DACH2: variants seen among roughly 807,000 people sequenced by gnomAD.
DACH2 encodes dachshund family transcription factor 2, also known as dachshund homolog 2.
DACH2 carries 17 observed loss-of-function variants against 35.8 expected under a neutral mutation model. The observed-to-expected ratio is 0.48, with a 90% CI of 0.33 to 0.71. DACH2 has a LOEUF of 0.71. DACH2 is among the 30% of genes least tolerant of loss of function. The probability of loss-of-function intolerance (pLI) is 0.02; values close to 1 mark genes in which losing one functional copy is unlikely to be tolerated. For synonymous variants in DACH2, 195 were observed against 177.3 expected, an observed-to-expected ratio of 1.10 and a Z score of -0.79; for missense variants, 469 against 472.7, an observed-to-expected ratio of 0.99 and a Z score of 0.07.
intron 3 of DACH2, among the ~76,000 whole-genome samples, chrX:86,640,404 C>T (rs1474358870): frequency 8.9e-6 from 1 of 111,742 alleles, no homozygotes; most frequent in Non-Finnish European, 1.9e-5. Context: ...ATGCCCCACA[C>T]AACTCTCACG....
chrX:86,699,958 A>G (rs191631351), intron 5 of DACH2, among the ~76,000 whole-genome samples: 1 of 111,836 alleles, frequency 8.9e-6, no homozygotes, highest in East Asian at 2.8e-4. Context: ...TTTATTATTT[A>G]CCCAAAAGTC....
intron 7 of DACH2, among the ~76,000 whole-genome samples, chrX:86,750,582 G>A (rs1403200684): frequency 9.0e-6 from 1 of 111,249 alleles, no homozygotes; most frequent in African/African-American, 3.3e-5. Flanking sequence ...CAGTTGAACA[G>A]CAACTCTCCA....
At chrX:86,477,339 C>CAT (rs56255658) in intron 2 of DACH2, among the ~76,000 whole-genome samples, 4,562 of 75,657 alleles carry the variant, frequency 0.06, 148 homozygotes, top group Middle Eastern at 0.083. Flanking sequence ...GTGTTGAGTG[C>CAT]ATATATATAT....
intron 2 of DACH2, among the ~76,000 whole-genome samples, chrX:86,478,822 A>G (rs1337553596): frequency 1.8e-5 from 2 of 110,469 alleles, no homozygotes; most frequent in Admixed American, 1.9e-4. Context: ...CCCAGTGGCC[A>G]TGTGTTACAG....
chrX:86,483,275 C>G (rs1393177699), intron 2 of DACH2, among the ~76,000 whole-genome samples: 1 of 110,504 alleles, frequency 9.0e-6, no homozygotes, highest in Non-Finnish European at 1.9e-5. Context: ...AAATATATAC[C>G]TGATGTTAAT....
intron 1 of DACH2, among the ~76,000 whole-genome samples, chrX:86,299,674 A>G (rs983793134): frequency 3.6e-5 from 4 of 111,644 alleles, no homozygotes; most frequent in Non-Finnish European, 5.6e-5. Context: ...GGTTTATTTC[A>G]TAACTTGAAA....
At chrX:86,785,368 TA>T (rs1467253820) in intron 7 of DACH2, among the ~76,000 whole-genome samples, 1 of 111,226 alleles carries the variant, frequency 9.0e-6, no homozygotes, top group Non-Finnish European at 1.9e-5. Flanking sequence ...AAGCAGTGAT[TA>T]AAAAAGAAAA....
chrX:86,393,171 A>C (rs759446383), intron 2 of DACH2, among the ~76,000 whole-genome samples: 1 of 111,246 alleles, frequency 9.0e-6, no homozygotes, highest in East Asian at 2.9e-4. Context: ...ACTCATTATC[A>C]ATTCAATTAC....
intron 1 of DACH2, among the ~76,000 whole-genome samples, chrX:86,226,000 A>G (rs1351470959): frequency 9.0e-6 from 1 of 111,383 alleles, no homozygotes. Flanking sequence ...GAGTATTCAC[A>G]GTTGAAAAAA....
intron 1 of DACH2, among the ~76,000 whole-genome samples, chrX:86,326,845 G>T (rs895497856): frequency 9.0e-6 from 1 of 111,697 alleles, no homozygotes; most frequent in African/African-American, 3.3e-5. Context: ...GTAAATTTCA[G>T]GTTGGTTGTG....
At chrX:86,373,973 A>G (rs2035927730) in intron 1 of DACH2, among the ~76,000 whole-genome samples, 1 of 111,120 alleles carries the variant, frequency 9.0e-6, no homozygotes, top group South Asian at 3.7e-4. Context: ...GTGATATTAG[A>G]TAGTGATTTT....
chrX:86,223,535 G>T (rs999560325), intron 1 of DACH2, among the ~76,000 whole-genome samples: 1 of 111,616 alleles, frequency 9.0e-6, no homozygotes, highest in African/African-American at 3.2e-5. Context: ...TATTATGTAA[G>T]TAAATATATA....
At chrX:86,445,505 T>G (rs1602527631) in intron 2 of DACH2, among the ~76,000 whole-genome samples, 1 of 21,509 alleles carries the variant, frequency 4.6e-5, no homozygotes, top group African/African-American at 1.6e-4. Context: ...ACTTAAAGTA[T>G]AATAATAATA....
intron 1 of DACH2, among the ~76,000 whole-genome samples, chrX:86,153,894 A>G (rs1357622217): frequency 8.9e-6 from 1 of 111,770 alleles, no homozygotes; most frequent in Non-Finnish European, 1.9e-5. Context: ...GATGGTTACT[A>G]CATTAAAGAA....
intron 7 of DACH2, among the ~76,000 whole-genome samples, chrX:86,760,626 AT>A (rs1239649375): frequency 9.0e-6 from 1 of 110,612 alleles, no homozygotes; most frequent in Non-Finnish European, 1.9e-5. Flanking sequence ...ATTTCTTTGT[AT>A]TTTTTCCAGT....
intron 7 of DACH2, among the ~76,000 whole-genome samples, chrX:86,766,358 A>G (rs1018175968): frequency 1.8e-4 from 20 of 112,130 alleles, no homozygotes; most frequent in Non-Finnish European, 3.4e-4. Context: ...CCAAATAAAT[A>G]CAAAACCCTG....
At chrX:86,739,992 T>G in intron 7 of DACH2, 110 bp downstream of exon 7, 1 of 738,036 alleles carries the variant, frequency 1.4e-6, no homozygotes, top group Non-Finnish European at 1.9e-6. Context: ...CTCCTTAATA[T>G]AAATAGCTTT....
chrX:86,744,054 A>G lies in DACH2; in HGVS notation c.1240+4172A>G, dbSNP rs140748983. On this transcript the variant is annotated intron_variant, in intron 7 of 11. Transcript: ENST00000373125. ...TCAAAATGGCATTTGGGACTGTCCC[A>G]CGTACTGCAGCACTCAAGTATACAC... Among the ~76,000 whole-genome samples, 523 of 111,566 alleles carry G rather than the reference A, an allele frequency of 4.7e-3. 3 individuals are homozygous for G. Among genetic ancestry groups the G allele is most frequent in the African/African-American group, 0.016 (495 of 30,828 alleles).
At chrX:86,185,071 C>A (rs773542673) in intron 1 of DACH2, among the ~76,000 whole-genome samples, 1 of 111,530 alleles carries the variant, frequency 9.0e-6, no homozygotes, top group African/African-American at 3.2e-5. Context: ...GCATCACTTT[C>A]TTAAAATTCC....
Sources: gnomAD v4.1 joint callset for allele counts (sites outside exome capture counted in the v4.1 genomes callset) on GRCh38, gnomAD v4.1.1 for gene constraint, MANE v1.5 for transcripts, NCBI Gene and HGNC (gene_info 2026-07-23, HGNC 2026-07-21) for gene names.